Variants in MTUS2 observed in about 807,000 individuals in gnomAD.
MTUS2 encodes the protein microtubule associated scaffold protein 2, also known as microtubule-associated tumor suppressor candidate 2.
In MTUS2, 40 loss-of-function variants were observed where a neutral mutation model predicts 114.1. The observed-to-expected ratio is 0.35, with a 90% CI of 0.27 to 0.46. The LOEUF is 0.46. Ranked by LOEUF, MTUS2 falls within the 20% of genes least tolerant of loss-of-function variation. The pLI is 1.00. For missense variants in MTUS2, 1,679 were observed against 1,705.4 expected (o/e 0.98, Z 0.27); for synonymous variants, 688 against 672.0 (o/e 1.02, Z -0.37).
At chr13:29,362,520 TAAAAAAAA>T (rs1276910444) in intron 8 of MTUS2, among the ~76,000 whole-genome samples, 6 of 22,490 alleles carry the variant, frequency 2.7e-4, no homozygotes, top group Admixed American at 1.7e-3. Flanking sequence ...CTACCAAAAA[TAAAAAAAA>T]TTAAAAAAAT....
rs558694831 is a variant in MTUS2, at chr13:29,274,512, A to G, written c.2645-7192A>G. ...TGTATGAAGATTCCAGTTTCTCCACATCCCTATCAATACTTTTTATTGTCT... is the reference window on the plus strand; with the variant it reads ...TGTATGAAGATTCCAGTTTCTCCACGTCCCTATCAATACTTTTTATTGTCT... On this transcript the variant is annotated intron_variant, in intron 5 of 15. Transcript: ENST00000612955. Among the ~76,000 whole-genome samples the G allele has an allele frequency of 2.7e-4, 41 of 152,214 alleles. No homozygotes were observed. The South Asian group carries it at 8.5e-3, about 32-fold the overall frequency.
chr13:29,135,763 T>A (rs1891953367), intron 5 of MTUS2, among the ~76,000 whole-genome samples: 1 of 152,202 alleles, frequency 6.6e-6, no homozygotes, highest in African/African-American at 2.4e-5. Context: ...ACACTCTAAT[T>A]TAAATTTATG....
At chr13:29,018,342 G>C (rs539435695) in intron 2 of MTUS2, among the ~76,000 whole-genome samples, 2 of 152,296 alleles carry the variant, frequency 1.3e-5, no homozygotes, top group East Asian at 3.9e-4. Flanking sequence ...GATCCAGTGA[G>C]TTTCCCTTCA....
intron 5 of MTUS2, among the ~76,000 whole-genome samples, chr13:29,140,101 T>C (rs1020813281): frequency 2.6e-5 from 4 of 152,228 alleles, no homozygotes. Flanking sequence ...ATTTAAAATT[T>C]TTAACTTTTC....
chr13:29,006,159 G>A (rs1885591595), intron 2 of MTUS2, among the ~76,000 whole-genome samples: 1 of 152,152 alleles, frequency 6.6e-6, no homozygotes, highest in African/African-American at 2.4e-5. Context: ...TGTAAGCTGG[G>A]GTTGAGAGTG....
intron 5 of MTUS2, among the ~76,000 whole-genome samples, chr13:29,232,160 T>C (rs1025031983): frequency 6.6e-6 from 1 of 152,118 alleles, no homozygotes; most frequent in Admixed American, 6.5e-5. Flanking sequence ...ATCTTCTGCT[T>C]TTATTAATAA....
chr13:29,121,902 C>T (rs923433081), intron 5 of MTUS2, among the ~76,000 whole-genome samples: 3 of 152,006 alleles, frequency 2.0e-5, no homozygotes, highest in Admixed American at 1.3e-4. Flanking sequence ...TGAGGTGATC[C>T]GCCCTCCTCG....
chr13:29,178,561 C>T (rs1427899506), intron 5 of MTUS2, among the ~76,000 whole-genome samples: 3 of 152,048 alleles, frequency 2.0e-5, no homozygotes, highest in Non-Finnish European at 2.9e-5. Context: ...CTGGCCAACA[C>T]CCTCAGTAGC....
At chr13:28,822,410 G>T (rs1873966688) in intron 1 of MTUS2, among the ~76,000 whole-genome samples, 1 of 152,214 alleles carries the variant, frequency 6.6e-6, no homozygotes, top group Non-Finnish European at 1.5e-5. Context: ...TTGCCAAATT[G>T]GAGGGAACAG....
intron 5 of MTUS2, among the ~76,000 whole-genome samples, chr13:29,257,900 CAA>C (rs1374095226): frequency 2.6e-5 from 4 of 152,170 alleles, no homozygotes; most frequent in African/African-American, 9.7e-5. Context: ...AGGGTGGCCT[CAA>C]GAGTCCATGA....
intron 11 of MTUS2, among the ~76,000 whole-genome samples, chr13:29,491,425 TGTGTGTGGTGTGTGTGTAGTGG>T (rs1327771160): frequency 2.1e-5 from 3 of 143,158 alleles, no homozygotes; most frequent in South Asian, 4.7e-4. Context: ...TGTGGAGGAA[TGTGTGTGGTGTGTGTGTAGTGG>T]GTGTGTGGTG....
intron 2 of MTUS2, among the ~76,000 whole-genome samples, chr13:28,971,609 G>C (rs754950757): frequency 1.3e-5 from 2 of 152,164 alleles, no homozygotes; most frequent in Non-Finnish European, 2.9e-5. Context: ...GATTTTATTT[G>C]CATTATATAA....
At chr13:28,964,635 T>G (rs1223330343) in intron 2 of MTUS2, among the ~76,000 whole-genome samples, 1 of 151,454 alleles carries the variant, frequency 6.6e-6, no homozygotes, top group Non-Finnish European at 1.5e-5. Context: ...GATCTGTTGC[T>G]GCTTTTTGGG....
At chr13:29,246,663 G>T (rs976130565) in intron 5 of MTUS2, among the ~76,000 whole-genome samples, 3 of 152,156 alleles carry the variant, frequency 2.0e-5, no homozygotes, top group Non-Finnish European at 4.4e-5. Context: ...GGGTACTTGG[G>T]TTTTAAAGCA....
At chr13:29,397,378 C>A (rs559979762) in intron 8 of MTUS2, among the ~76,000 whole-genome samples, 1 of 152,272 alleles carries the variant, frequency 6.6e-6, no homozygotes, top group African/African-American at 2.4e-5. Flanking sequence ...AGTTTCTTGG[C>A]GCCTCTATTT....
chr13:29,356,137 A>G (rs560401284), intron 7 of MTUS2, among the ~76,000 whole-genome samples: 1 of 152,258 alleles, frequency 6.6e-6, no homozygotes, highest in Non-Finnish European at 1.5e-5. Context: ...GGAGGTGATG[A>G]CAAAACACTC....
intron 14 of MTUS2, among the ~76,000 whole-genome samples, chr13:29,500,832 CACAT>C (rs1882848637): frequency 7.0e-6 from 1 of 142,954 alleles, no homozygotes; most frequent in African/African-American, 2.7e-5. Flanking sequence ...CACACACACA[CACAT>C]TGATACATAA....
At chr13:29,408,179 G>A (rs191391170) in intron 8 of MTUS2, among the ~76,000 whole-genome samples, 4 of 151,652 alleles carry the variant, frequency 2.6e-5, no homozygotes, top group Admixed American at 2.0e-4. Flanking sequence ...ATTTTAACGG[G>A]TATATAATGT....
At chr13:28,899,095 G>A (rs1248090040) in intron 2 of MTUS2, among the ~76,000 whole-genome samples, 1 of 152,084 alleles carries the variant, frequency 6.6e-6, no homozygotes, top group Admixed American at 6.5e-5. Flanking sequence ...ACATTATTTA[G>A]TTTTCTGTTT....
Sources: gnomAD v4.1 joint callset for allele counts (sites outside exome capture counted in the v4.1 genomes callset) on GRCh38, gnomAD v4.1.1 for gene constraint, MANE v1.5 for transcripts, NCBI Gene and HGNC (gene_info 2026-07-23, HGNC 2026-07-21) for gene names.